CNTNAP2: variants seen among roughly 807,000 people sequenced by gnomAD.
CNTNAP2 encodes the protein contactin associated protein 2, also known as contactin-associated protein-like 2.
Under a neutral mutation model 155.2 loss-of-function variants are expected in CNTNAP2, and 98 were observed. That is an observed-to-expected ratio of 0.63 (90% CI 0.54 to 0.75). The LOEUF is 0.75. CNTNAP2 is among the 30% of genes least tolerant of loss of function. The probability of loss-of-function intolerance (pLI) is 0.00; values close to 1 mark genes in which losing one functional copy is unlikely to be tolerated. For synonymous variants in CNTNAP2, 651 were observed against 631.2 expected (o/e 1.03, Z -0.47); for missense variants, 1,727 against 1,688.1 (o/e 1.02, Z -0.40).
At chr7:147,371,742 C>T (rs948384895) in intron 9 of CNTNAP2, among the ~76,000 whole-genome samples, 1 of 152,092 alleles carries the variant, frequency 6.6e-6, no homozygotes, top group Admixed American at 6.6e-5. Context: ...CCTCTGACAG[C>T]CTCTCCAGGG....
chr7:147,112,092 T>A (rs1800892334), intron 5 of CNTNAP2, among the ~76,000 whole-genome samples: 1 of 152,144 alleles, frequency 6.6e-6, no homozygotes, highest in Non-Finnish European at 1.5e-5. Flanking sequence ...GTCCTTCACT[T>A]CCCTTGTTAG....
intron 1 of CNTNAP2, among the ~76,000 whole-genome samples, chr7:146,648,498 T>C (rs1799853074): frequency 6.6e-6 from 1 of 152,130 alleles, no homozygotes; most frequent in Non-Finnish European, 1.5e-5. Flanking sequence ...TATTATGCAA[T>C]ACTTCTTTAA....
chr7:147,851,212 C>G (rs1401960455), intron 13 of CNTNAP2, among the ~76,000 whole-genome samples: 2 of 151,978 alleles, frequency 1.3e-5, no homozygotes, highest in African/African-American at 4.8e-5. Flanking sequence ...CAAATCAAAA[C>G]CACAATGAGA....
At chr7:146,807,705 A>G (rs933238930) in intron 2 of CNTNAP2, among the ~76,000 whole-genome samples, 8 of 151,692 alleles carry the variant, frequency 5.3e-5, no homozygotes, top group African/African-American at 1.9e-4. Flanking sequence ...ACTTGTCTTT[A>G]GTCTTCTCTC....
At chr7:147,228,030 G>A (rs1474386092) in intron 8 of CNTNAP2, among the ~76,000 whole-genome samples, 1 of 152,114 alleles carries the variant, frequency 6.6e-6, no homozygotes, top group Admixed American at 6.6e-5. Flanking sequence ...AAGGATTGGT[G>A]TAAAGGCCTG....
At chr7:147,481,150 T>C (rs1189170294) in intron 10 of CNTNAP2, among the ~76,000 whole-genome samples, 1 of 152,220 alleles carries the variant, frequency 6.6e-6, no homozygotes, top group African/African-American at 2.4e-5. Context: ...AAAGACATTT[T>C]ATTTTAAAAT....
intron 8 of CNTNAP2, among the ~76,000 whole-genome samples, chr7:147,167,022 G>T (rs1584767210): frequency 6.6e-6 from 1 of 152,044 alleles, no homozygotes; most frequent in Non-Finnish European, 1.5e-5. Context: ...TCACTGTAAG[G>T]CTGCTTTGTT....
In CNTNAP2 at chr7:147,683,729, C is replaced by CTT. The variant is rs10716798; in HGVS notation, c.2098+44438_2098+44439dup. On this transcript the variant is annotated intron_variant, in intron 13 of 23. Coordinates refer to ENST00000361727, the MANE Select transcript of CNTNAP2 (RefSeq NM_014141.6). ...TCAACTTGTTATGTACACACTCAAG[C>CTT]TTTTTTTTTTTTTTTTGAGTATTCA... Among the ~76,000 whole-genome samples, 347 of 134,436 alleles carry CTT rather than the reference C, an allele frequency of 2.6e-3. 2 individuals are homozygous for CTT. The highest frequency in any genetic ancestry group is 4.2e-3 in the Admixed American group (55 of 13,238). The allele number at this position is 134,436 out of a possible 152,430, so 88.2% of individuals were successfully genotyped here. A position where few individuals can be genotyped will look rare whatever the true frequency, so the allele number is the denominator to read the frequency against.
At position 147,978,204 on chromosome 7, in the gene CNTNAP2, T is replaced by G. The variant is rs1343956454; in HGVS notation, c.2383+215T>G. On this transcript the variant is annotated intron_variant, in intron 15 of 23. Transcript: ENST00000361727. Reference sequence around the variant, plus strand: ...GGGCATAAAGTGGGGATATCCATCTTTCCTCTATATTCATATGTAACAAGT... The same window carrying G: ...GGGCATAAAGTGGGGATATCCATCTGTCCTCTATATTCATATGTAACAAGT... 6.9e-6 allele frequency: 4 copies of G among 579,086 alleles called. No individual in the cohort carries two copies. The Admixed American group carries it at 8.8e-5, about 13-fold the overall frequency. The allele number at this position is 579,086 out of a possible 1,614,324, so 35.9% of individuals were successfully genotyped here. A position where few individuals can be genotyped will look rare whatever the true frequency, so the allele number is the denominator to read the frequency against.
intron 3 of CNTNAP2, among the ~76,000 whole-genome samples, chr7:146,862,572 C>A (rs1015742973): frequency 6.6e-6 from 1 of 152,148 alleles, no homozygotes; most frequent in South Asian, 2.1e-4. Flanking sequence ...AATCTTTATG[C>A]ATACTATTTG....
chr7:147,455,272 A>T (rs1466446460), intron 10 of CNTNAP2, among the ~76,000 whole-genome samples: 1 of 152,150 alleles, frequency 6.6e-6, no homozygotes, highest in Non-Finnish European at 1.5e-5. Flanking sequence ...GTGATATACA[A>T]CAGTAATTTC....
At chr7:146,208,871 C>A (rs1437760202) in intron 1 of CNTNAP2, 1 of 151,956 alleles carries the variant, frequency 6.6e-6, no homozygotes, top group Non-Finnish European at 1.5e-5. Context: ...TCAATCTAGT[C>A]CACATCTTCA....
intron 1 of CNTNAP2, among the ~76,000 whole-genome samples, chr7:146,157,409 A>C (rs1368146159): frequency 6.6e-6 from 1 of 152,068 alleles, no homozygotes; most frequent in Non-Finnish European, 1.5e-5. Flanking sequence ...GTCAGACGGT[A>C]GGTGCAGCCC....
intron 4 of CNTNAP2, among the ~76,000 whole-genome samples, chr7:147,045,801 T>G (rs1799345441): frequency 6.6e-6 from 1 of 151,830 alleles, no homozygotes; most frequent in African/African-American, 2.4e-5. Context: ...TTTTAGTAAA[T>G]AAATACAGAC....
chr7:147,842,065 C>T (rs1460416299), intron 13 of CNTNAP2, among the ~76,000 whole-genome samples: 1 of 152,116 alleles, frequency 6.6e-6, no homozygotes, highest in African/African-American at 2.4e-5. Flanking sequence ...ACATATGTTT[C>T]ACTTCACATG....
At chr7:146,599,706 T>C (rs1219234019) in intron 1 of CNTNAP2, among the ~76,000 whole-genome samples, 3 of 150,768 alleles carry the variant, frequency 2.0e-5, no homozygotes, top group African/African-American at 7.3e-5. Context: ...AAAGTTTAGA[T>C]AGCTATAGAG....
intron 21 of CNTNAP2, among the ~76,000 whole-genome samples, chr7:148,267,659 A>G (rs1335098150): frequency 3.3e-5 from 5 of 151,220 alleles, no homozygotes; most frequent in African/African-American, 9.7e-5. Context: ...TGTCTCAAAA[A>G]AAAAAAAAAA....
At chr7:147,705,225 T>C (rs1796292550) in intron 13 of CNTNAP2, among the ~76,000 whole-genome samples, 1 of 152,130 alleles carries the variant, frequency 6.6e-6, no homozygotes. Flanking sequence ...TAGTTTTGCT[T>C]CCATAGTTTT....
intron 11 of CNTNAP2, among the ~76,000 whole-genome samples, chr7:147,553,781 G>A (rs931257736): frequency 6.6e-6 from 1 of 151,990 alleles, no homozygotes; most frequent in Non-Finnish European, 1.5e-5. Flanking sequence ...GACCAGTCTG[G>A]CCAACATGGT....
Sources: gnomAD v4.1 joint callset for allele counts (sites outside exome capture counted in the v4.1 genomes callset) on GRCh38, gnomAD v4.1.1 for gene constraint, MANE v1.5 for transcripts, NCBI Gene and HGNC (gene_info 2026-07-23, HGNC 2026-07-21) for gene names.